VPS37B: variants seen among roughly 807,000 people sequenced by gnomAD.
The protein encoded by VPS37B is vacuolar protein sorting-associated protein 37B.
In VPS37B, 11 loss-of-function variants were observed where a neutral mutation model predicts 21.2. That is an observed-to-expected ratio of 0.52 (90% CI 0.33 to 0.86). The LOEUF is 0.86. Among genes scored for constraint, VPS37B ranks in the 40% least tolerant of loss-of-function variants. The probability of loss-of-function intolerance (pLI) is 0.03; values close to 1 mark genes in which losing one functional copy is unlikely to be tolerated. For missense variants in VPS37B, 389 were observed against 374.8 expected, an observed-to-expected ratio of 1.04 and a Z score of -0.31; for synonymous variants, 175 against 159.6, an observed-to-expected ratio of 1.10 and a Z score of -0.73.
At chr12:122,871,130 C>T (rs2034025173) in intron 1 of VPS37B, 69 bp from the exon 2 acceptor site, 2 of 1,574,634 alleles carry the variant, frequency 1.3e-6, no homozygotes, top group South Asian at 1.2e-5. Flanking sequence ...GGTCCCCACG[C>T]ACACCCCAGG....
At chr12:122,873,374 C>G (rs1385206248) in intron 1 of VPS37B, 1 of 152,230 alleles carries the variant, frequency 6.6e-6, no homozygotes, top group African/African-American at 2.4e-5. Context: ...CTGCTGGTCT[C>G]ACCTGGCGGA....
At chr12:122,872,933 A>G (rs1052321802) in intron 1 of VPS37B, 3 of 154,178 alleles carry the variant, frequency 1.9e-5, no homozygotes, top group African/African-American at 7.2e-5. Flanking sequence ...CAGGCCGCAA[A>G]ATACCACTCA....
chr12:122,891,792 C>T (rs2034415217), intron 1 of VPS37B, among the ~76,000 whole-genome samples: 1 of 152,158 alleles, frequency 6.6e-6, no homozygotes, highest in African/African-American at 2.4e-5. Flanking sequence ...AGCTTTCAGC[C>T]CCCCACACAA....
chr12:122,890,212 TTTG>T (rs1311892562), intron 1 of VPS37B: 16 of 152,360 alleles, frequency 1.1e-4, no homozygotes, highest in African/African-American at 3.6e-4. Context: ...GTCTGTCTCT[TTTG>T]TTTTGTGGGA....
chr12:122,895,935 A>C lies in VPS37B; in HGVS notation c.111+17T>G. ...TCGAGGCCTCACAGCCGCCGCCTTA[A>C]GCCCAGCTCGGCTCACCTCCTCCAT... is the stretch of plus-strand genomic sequence containing the variant. On this transcript the variant is annotated intron_variant, in intron 1 of 3. Transcript: ENST00000267202. 1.2e-6 allele frequency: 2 copies of C among 1,609,704 alleles called. No homozygotes were observed. Among genetic ancestry groups the C allele is most frequent in the Non-Finnish European group, 8.5e-7 (1 of 1,177,628 alleles).
chr12:122,880,212 T>C (rs1485957996), intron 1 of VPS37B: 1 of 152,238 alleles, frequency 6.6e-6, no homozygotes, highest in Non-Finnish European at 1.5e-5. Context: ...TTCAAATTCA[T>C]AAACAGTAAC....
chr12:122,883,138 C>T (rs2034272894), intron 1 of VPS37B: 1 of 152,202 alleles, frequency 6.6e-6, no homozygotes, highest in Non-Finnish European at 1.5e-5. Flanking sequence ...AATGTTCCAC[C>T]AAACAACCCA....
chr12:122,885,644 T>C (rs896178673), intron 1 of VPS37B: 16 of 150,516 alleles, frequency 1.1e-4, no homozygotes, highest in African/African-American at 3.9e-4. Flanking sequence ...GTTTTCCAAA[T>C]TTTCTATAAT....
At position 122,867,170 on chromosome 12, in the gene VPS37B, A is replaced by G. The variant is rs760379327; in HGVS notation, c.804T>C (p.Pro268=). 1.9e-6 allele frequency: 3 copies of G among 1,558,686 alleles called. No homozygotes were observed. The South Asian group carries it at 3.7e-5, about 19-fold the overall frequency. The change falls in exon 4 of 4, where the codon CCT becomes CCC. Residue 268 remains proline (P), a synonymous_variant. Transcript: ENST00000267202. The surrounding 1 kb of genome is among the most constrained non-coding windows in gnomAD (Gnocchi z 5.5). The stretch of plus-strand genomic sequence containing the variant: ...GAGGGAGCCGGGGCGGGGGTCTCTG[A>G]GGGAGAGGTGGCGGATATGGGGACA... ...QFVSPYPPPL[P]QRPPPRLPPH...
chr12:122,872,196 C>T lies in VPS37B; in HGVS notation c.112-1135G>A, dbSNP rs942914281. 17 of 985,322 alleles carry T rather than the reference C, an allele frequency of 1.7e-5. No individual in the cohort carries two copies. In the East Asian group the frequency reaches 3.4e-4, roughly 20 times the overall value. The allele number at this position is 985,322 out of a possible 1,614,324, so 61.0% of individuals were successfully genotyped here. A position where few individuals can be genotyped will look rare whatever the true frequency, so the allele number is the denominator to read the frequency against. ...TTGATTGCTGTCATAGTTCCTGGTG[C>T]GCTCACACGAGTGCACACGCACCAC... On this transcript the variant is annotated intron_variant, in intron 1 of 3. Transcript: ENST00000267202.
Position 122,868,022 on chromosome 12 carries a change from C to T in VPS37B, c.367-415G>A, listed in dbSNP as rs950992385. ...GTGCCCCCAGGGCTTCAGAGTTCAT[C>T]GAGCCCAGCCCTATCTTGGCAAGAC... On this transcript the variant is annotated intron_variant, in intron 3 of 3. Coordinates refer to ENST00000267202, the MANE Select transcript of VPS37B (RefSeq NM_024667.3). This position sits in a 1 kb window ranked among gnomAD's most constrained non-coding sequence, Gnocchi z 5.5. Among the ~76,000 whole-genome samples, 4 of 152,226 alleles carry T rather than the reference C, an allele frequency of 2.6e-5. No individual in the cohort carries two copies. The highest frequency in any genetic ancestry group is 2.1e-4 in the South Asian group (1 of 4,836).
At chr12:122,886,312 C>G (rs1241819350) in intron 1 of VPS37B, 2 of 152,238 alleles carry the variant, frequency 1.3e-5, no homozygotes, top group African/African-American at 2.4e-5. Context: ...CTTCACCACA[C>G]TCTAGCAGAA....
At chr12:122,875,715 T>C (rs899610776) in intron 1 of VPS37B, 2 of 152,262 alleles carry the variant, frequency 1.3e-5, no homozygotes, top group Non-Finnish European at 2.9e-5. Context: ...AAGGCCCAGA[T>C]GGCAGCCACT....
At chr12:122,870,571 C>CA (rs921090915) in intron 2 of VPS37B, 10 of 198,974 alleles carry the variant, frequency 5.0e-5, no homozygotes, top group African/African-American at 1.6e-4. Context: ...AACCTCTCTG[C>CA]AAAAAAATGA....
chr12:122,896,066 C>G lies in VPS37B; in HGVS notation c.-4G>C. 3 of 1,573,146 alleles carry G rather than the reference C, an allele frequency of 1.9e-6. No homozygotes were observed. The highest frequency in any genetic ancestry group is 2.6e-6 in the Non-Finnish European group (3 of 1,166,502). On this transcript the variant is annotated 5_prime_UTR_variant, in exon 1 of 4. Transcript: ENST00000267202. ...CTTCGCTCCCGGCGCCCGCCATCCCCACGTCTCGGCCGTCGTCGCCACCGC... is the reference window on the plus strand; with the variant it reads ...CTTCGCTCCCGGCGCCCGCCATCCCGACGTCTCGGCCGTCGTCGCCACCGC...
intron 1 of VPS37B, chr12:122,875,327 G>C (rs1458425917): frequency 6.7e-6 from 1 of 149,070 alleles, no homozygotes; most frequent in African/African-American, 2.5e-5. Context: ...TCCCTGCCTC[G>C]GCCTCCCAAA....
intron 1 of VPS37B, chr12:122,875,880 C>T (rs938065421): frequency 1.3e-5 from 2 of 151,508 alleles, no homozygotes. Context: ...TAAGTTGCCA[C>T]TGTCTTTGTT....
chr12:122,867,564 G>C lies in VPS37B; in HGVS notation c.410C>G (p.Ser137Cys), dbSNP rs1293176526. Reference sequence around the variant, plus strand: ...TTTGCTCTGATAGACATCAATGAAGGAATCCAGAGGAAGTTCTCCATCCAG... The same window carrying C: ...TTTGCTCTGATAGACATCAATGAAGCAATCCAGAGGAAGTTCTCCATCCAG... ...KFLDGELPLD[S>C]FIDVYQSKRK... is the part of the protein sequence containing the mutation. The change falls in exon 4 of 4, where the codon TCC (serine) becomes TGC (cysteine). Residue 137 changes from serine (S) to cysteine (C), a missense_variant. Physicochemically the swap from Ser to Cys is moderately radical, Grantham distance 112. Coordinates refer to ENST00000267202, the MANE Select transcript of VPS37B (RefSeq NM_024667.3). This position sits in a 1 kb window ranked among gnomAD's most constrained non-coding sequence, Gnocchi z 5.5. 6.2e-7 allele frequency: 1 copy of C among 1,613,752 alleles called. No individual in the cohort carries two copies. The highest frequency in any genetic ancestry group is 1.1e-5 in the South Asian group (1 of 91,090).
intron 1 of VPS37B, chr12:122,873,733 C>T (rs2034085315): frequency 6.6e-6 from 1 of 152,286 alleles, no homozygotes; most frequent in South Asian, 2.1e-4. Context: ...CTGTCAGCGC[C>T]CATGTCTTTC....
Sources: gnomAD v4.1 joint callset for allele counts (sites outside exome capture counted in the v4.1 genomes callset) on GRCh38, gnomAD v4.1.1 for gene constraint, Gnocchi (gnomAD v3.1) non-coding constraint, MANE v1.5 for transcripts, NCBI Gene and HGNC (gene_info 2026-07-23, HGNC 2026-07-21) for gene names.